PARD3: variants seen among roughly 807,000 people sequenced by gnomAD.
PARD3 encodes the protein partitioning defective 3 homolog.
PARD3 carries 75 observed loss-of-function variants against 155.4 expected under a neutral mutation model. That is an observed-to-expected ratio of 0.48 (90% CI 0.40 to 0.58). The LOEUF is 0.58. PARD3 is among the 20% of genes least tolerant of loss of function. The pLI is 0.00. For synonymous variants in PARD3, 576 were observed against 610.5 expected (o/e 0.94, Z 0.83); for missense variants, 1,642 against 1,721.7 (o/e 0.95, Z 0.82).
At chr10:34,587,461 C>T (rs2088192241) in intron 2 of PARD3, among the ~76,000 whole-genome samples, 1 of 152,094 alleles carries the variant, frequency 6.6e-6, no homozygotes, top group African/African-American at 2.4e-5. Flanking sequence ...CTGAAAAATG[C>T]AATGAATGTT....
chr10:34,172,094 A>AT (rs1257298890), intron 22 of PARD3, among the ~76,000 whole-genome samples: 4 of 150,962 alleles, frequency 2.6e-5, no homozygotes, highest in South Asian at 2.1e-4. Flanking sequence ...CTAAAAAGAG[A>AT]TTTTTTTGGA....
chr10:34,488,454 G>A (rs2079621180), intron 3 of PARD3: 1 of 152,170 alleles, frequency 6.6e-6, no homozygotes, highest in African/African-American at 2.4e-5. Flanking sequence ...TGAGCAGCTG[G>A]GACCACAGGC....
intron 1 of PARD3, among the ~76,000 whole-genome samples, chr10:34,771,103 G>C (rs2134092793): frequency 6.6e-6 from 1 of 152,338 alleles, no homozygotes; most frequent in East Asian, 1.9e-4. Flanking sequence ...TTGGTCACTT[G>C]AAAACATGCA....
chr10:34,296,905 A>G (rs573395768), intron 20 of PARD3, among the ~76,000 whole-genome samples: 1 of 152,306 alleles, frequency 6.6e-6, no homozygotes, highest in South Asian at 2.1e-4. Flanking sequence ...GTTTGAGAAC[A>G]GCCTGGGCAA....
chr10:34,461,300 T>G (rs2077633778), intron 4 of PARD3, among the ~76,000 whole-genome samples: 1 of 152,094 alleles, frequency 6.6e-6, no homozygotes, highest in Non-Finnish European at 1.5e-5. Flanking sequence ...AAATTAAAAA[T>G]AGAAACTAGC....
intron 22 of PARD3, among the ~76,000 whole-genome samples, chr10:34,221,888 C>T (rs749051257): frequency 1.6e-4 from 25 of 152,160 alleles, no homozygotes; most frequent in Admixed American, 2.0e-4. Flanking sequence ...CTATGAAATA[C>T]GAGTTATGTC....
At chr10:34,189,884 C>G (rs1950633347) in intron 22 of PARD3, among the ~76,000 whole-genome samples, 1 of 152,336 alleles carries the variant, frequency 6.6e-6, no homozygotes, top group African/African-American at 2.4e-5. Context: ...AAAATTTGAG[C>G]TTTCAAGTGA....
intron 2 of PARD3, among the ~76,000 whole-genome samples, chr10:34,659,066 G>A (rs374847985): frequency 2.6e-5 from 4 of 152,088 alleles, no homozygotes; most frequent in African/African-American, 9.7e-5. Flanking sequence ...CAATGCAAGC[G>A]CACACACAGT....
intron 5 of PARD3, among the ~76,000 whole-genome samples, chr10:34,434,747 G>C (rs564678695): frequency 6.6e-6 from 1 of 152,302 alleles, no homozygotes; most frequent in African/African-American, 2.4e-5. Flanking sequence ...GCCAAGATTA[G>C]AGGCATACAG....
intron 20 of PARD3, among the ~76,000 whole-genome samples, chr10:34,296,934 A>G (rs923557710): frequency 1.3e-5 from 2 of 152,164 alleles, no homozygotes; most frequent in Non-Finnish European, 2.9e-5. Flanking sequence ...ACCATCTCTT[A>G]AAAACCAACC....
intron 2 of PARD3, among the ~76,000 whole-genome samples, chr10:34,562,064 G>A (rs894594128): frequency 6.8e-6 from 1 of 146,662 alleles, no homozygotes; most frequent in Admixed American, 6.9e-5. Flanking sequence ...ACCTGGGAGG[G>A]GGGGTGAACC....
At chr10:34,579,401 G>A (rs185231351) in intron 2 of PARD3, among the ~76,000 whole-genome samples, 9 of 152,160 alleles carry the variant, frequency 5.9e-5, no homozygotes, top group East Asian at 3.9e-4. Flanking sequence ...GAGCCCTTCC[G>A]TAACGCCCCC....
chr10:34,414,306 T>A (rs1845431009), intron 5 of PARD3, among the ~76,000 whole-genome samples: 1 of 152,112 alleles, frequency 6.6e-6, no homozygotes, highest in Non-Finnish European at 1.5e-5. Flanking sequence ...GCATGTCTAC[T>A]GTACCCACAT....
intron 1 of PARD3, among the ~76,000 whole-genome samples, chr10:34,808,859 A>ATC (rs1434645833): frequency 2.6e-5 from 4 of 152,188 alleles, no homozygotes; most frequent in African/African-American, 9.6e-5. Context: ...CTCTCTGAGA[A>ATC]TCTCAGATCC....
chr10:34,324,580 G>A (rs1958571988), intron 19 of PARD3, among the ~76,000 whole-genome samples: 1 of 152,128 alleles, frequency 6.6e-6, no homozygotes, highest in Non-Finnish European at 1.5e-5. Flanking sequence ...TCTAGAGACA[G>A]GAGGCCCAGT....
intron 12 of PARD3, among the ~76,000 whole-genome samples, chr10:34,364,412 C>T (rs1404164359): frequency 2.0e-5 from 3 of 152,014 alleles, no homozygotes; most frequent in Non-Finnish European, 4.4e-5. Context: ...CTCTCAAGAT[C>T]TGCCCTTATC....
chr10:34,544,099 C>T (rs1335266171), intron 2 of PARD3, among the ~76,000 whole-genome samples: 1 of 152,120 alleles, frequency 6.6e-6, no homozygotes, highest in Non-Finnish European at 1.5e-5. Context: ...AGATCTTTCA[C>T]AGGGAGCTAT....
At chr10:34,522,542 G>A (rs151018973) in intron 2 of PARD3, among the ~76,000 whole-genome samples, 13 of 152,170 alleles carry the variant, frequency 8.5e-5, no homozygotes, top group African/African-American at 3.1e-4. Context: ...ATATTGTGAT[G>A]GATGATAAAT....
At chr10:34,561,844 C>T (rs535930338) in intron 2 of PARD3, among the ~76,000 whole-genome samples, 1 of 151,654 alleles carries the variant, frequency 6.6e-6, no homozygotes, top group Admixed American at 6.6e-5. Flanking sequence ...AAACTATCAA[C>T]TCTCAGCCCA....
Sources: allele counts gnomAD v4.1 joint callset (sites outside exome capture counted in the v4.1 genomes callset), GRCh38; gene constraint gnomAD v4.1.1; transcripts MANE v1.5; gene names NCBI Gene and HGNC (gene_info 2026-07-23, HGNC 2026-07-21).